The following SMOC2 variants were observed in gnomAD, a reference collection of about 807,000 sequenced individuals.
The protein encoded by SMOC2 is SPARC related modular calcium binding 2.
SMOC2 carries 39 observed loss-of-function variants against 61.4 expected under a neutral mutation model. The ratio of observed to expected loss-of-function variants is 0.64; its 90% CI spans 0.49 to 0.83. SMOC2 has a LOEUF of 0.83. Ranked by LOEUF, SMOC2 falls within the 40% of genes least tolerant of loss-of-function variation. The pLI is 0.00. For missense variants in SMOC2, 556 were observed against 592.9 expected, an observed-to-expected ratio of 0.94 and a Z score of 0.65; for synonymous variants, 247 against 239.9, an observed-to-expected ratio of 1.03 and a Z score of -0.27.
chr6:168,543,759 C>A, intron 5 of SMOC2, 87 bp downstream of exon 5: 1 of 1,258,276 alleles, frequency 7.9e-7, no homozygotes, highest in South Asian at 1.3e-5. Flanking sequence ...GTTGAAACAT[C>A]CACTAGTGAT....
intron 1 of SMOC2, among the ~76,000 whole-genome samples, chr6:168,444,005 A>G (rs1781275927): frequency 1.3e-5 from 2 of 152,196 alleles, no homozygotes; most frequent in Non-Finnish European, 2.9e-5. Flanking sequence ...CATTGTTTTG[A>G]TGGTGCCCAT....
rs1372126992 is a variant in SMOC2, at chr6:168,667,834, A to C, written c.*1396A>C. 1.3e-5 allele frequency: 2 copies of C among 152,246 alleles called. No homozygotes were observed. The allele number at this position is 152,246 out of a possible 1,614,324, so 9.4% of individuals were successfully genotyped here. On this transcript the variant is annotated 3_prime_UTR_variant, in exon 13 of 13. Coordinates refer to ENST00000356284, the MANE Select transcript of SMOC2 (RefSeq NM_001166412.2). Reference sequence around the variant, plus strand: ...CTTGCTTATTTAAACTGTGCAAGGTAAAAATCAAGCCTTTGGAGCCACAGA... The same window carrying C: ...CTTGCTTATTTAAACTGTGCAAGGTCAAAATCAAGCCTTTGGAGCCACAGA...
chr6:168,444,861 T>G (rs1227928197), intron 1 of SMOC2, among the ~76,000 whole-genome samples: 1 of 152,186 alleles, frequency 6.6e-6, no homozygotes, highest in Non-Finnish European at 1.5e-5. Context: ...GGTGATTTCT[T>G]TAAAGGCAGA....
chr6:168,505,159 CA>C (rs1430842116), intron 1 of SMOC2, among the ~76,000 whole-genome samples: 23 of 146,260 alleles, frequency 1.6e-4, no homozygotes, highest in African/African-American at 5.5e-4. Context: ...TCTCAGATGC[CA>C]GATGAATGAG....
intron 7 of SMOC2, among the ~76,000 whole-genome samples, chr6:168,589,816 G>A (rs1333506807): frequency 2.4e-5 from 1 of 41,874 alleles, no homozygotes; most frequent in African/African-American, 1.0e-4. Context: ...GGGAGCAGCC[G>A]GTCTGGTGGT....
intron 8 of SMOC2, among the ~76,000 whole-genome samples, chr6:168,599,672 CCCTA>C (rs1402983472): frequency 2.1e-4 from 24 of 116,906 alleles, no homozygotes; most frequent in African/African-American, 7.4e-4. Context: ...TCACACACTC[CCCTA>C]CACACTCTCA....
intron 1 of SMOC2, among the ~76,000 whole-genome samples, chr6:168,443,464 T>A (rs1192668813): frequency 6.6e-6 from 1 of 152,162 alleles, no homozygotes; most frequent in African/African-American, 2.4e-5. Context: ...TTGGCTGCAT[T>A]CCCCAAGAAC....
chr6:168,460,576 A>T (rs144088120), intron 1 of SMOC2, among the ~76,000 whole-genome samples: 100 of 152,278 alleles, frequency 6.6e-4, no homozygotes, highest in African/African-American at 2.3e-3. Context: ...CCTGAATTTT[A>T]TAATAGGGCA....
In SMOC2 at chr6:168,600,766, C is replaced by A. The variant is rs565960407; in HGVS notation, c.824+1762C>A. 4.5e-3 allele frequency among the ~76,000 whole-genome samples: 691 copies of A among 152,306 alleles called. 4 individuals carry two copies. Among genetic ancestry groups the A allele is most frequent in the African/African-American group, 0.016 (661 of 41,558 alleles). ...TCACATATGTGTGCCCCAAATTTAT[C>A]GCTTTTAGAAAAAGTGAGGCTGTGC... is the stretch of plus-strand genomic sequence containing the variant. On this transcript the variant is annotated intron_variant, in intron 8 of 12. Coordinates refer to ENST00000356284, the MANE Select transcript of SMOC2 (RefSeq NM_001166412.2).
At chr6:168,560,269 T>C (rs377318038) in intron 7 of SMOC2, among the ~76,000 whole-genome samples, 1 of 152,184 alleles carries the variant, frequency 6.6e-6, no homozygotes, top group South Asian at 2.1e-4. Flanking sequence ...CCAGAATACG[T>C]CACGTCAGGC....
chr6:168,659,401 A>G (rs1018658354), intron 11 of SMOC2, among the ~76,000 whole-genome samples: 4 of 139,824 alleles, frequency 2.9e-5, no homozygotes, highest in African/African-American at 1.1e-4. Flanking sequence ...AGGCTTGCCT[A>G]TAAATGAGGT....
chr6:168,531,097 C>T (rs1783590415), intron 4 of SMOC2, among the ~76,000 whole-genome samples: 1 of 152,142 alleles, frequency 6.6e-6, no homozygotes, highest in African/African-American at 2.4e-5. Context: ...AGTCAGAAAA[C>T]TCAGCTCCAG....
rs183355731 is a variant in SMOC2 at position 168,641,717 on chromosome 6, C to T, written c.908-8964C>T. 2.6e-4 allele frequency among the ~76,000 whole-genome samples: 39 copies of T among 152,284 alleles called. 1 individual carries two copies. The highest frequency in any genetic ancestry group is 8.4e-4 in the African/African-American group (35 of 41,554). ...GTTTAATGGATGAGCCGAGGCAGGG[C>T]CAAGAGCAGGCACCTTCACCCAAAG... On this transcript the variant is annotated intron_variant, in intron 9 of 12. Transcript: ENST00000356284.
At chr6:168,533,137 G>T (rs1205132670) in intron 4 of SMOC2, among the ~76,000 whole-genome samples, 2 of 152,090 alleles carry the variant, frequency 1.3e-5, no homozygotes, top group Non-Finnish European at 2.9e-5. Flanking sequence ...CCTCTCTGCG[G>T]TCTGAATTTC....
At chr6:168,566,664 G>T (rs867996213) in intron 7 of SMOC2, among the ~76,000 whole-genome samples, 29 of 151,866 alleles carry the variant, frequency 1.9e-4, no homozygotes, top group Middle Eastern at 3.2e-3. Flanking sequence ...TGTATTTTTA[G>T]TAGCATTTAG....
intron 8 of SMOC2, among the ~76,000 whole-genome samples, chr6:168,604,173 A>T (rs1785627642): frequency 6.6e-6 from 1 of 152,172 alleles, no homozygotes; most frequent in Non-Finnish European, 1.5e-5. Context: ...ACAGATCCGG[A>T]CATCTCATCC....
chr6:168,611,116 TC>T lies in SMOC2; in HGVS notation c.907+2879del, dbSNP rs555245848. Among the ~76,000 whole-genome samples, 200 of 152,324 alleles carry T rather than the reference TC, an allele frequency of 1.3e-3. 1 individual carries two copies. The highest frequency in any genetic ancestry group is 6.8e-3 in the Middle Eastern group (2 of 294). On this transcript the variant is annotated intron_variant, in intron 9 of 12. Transcript: ENST00000356284. ...CCCAGCCCCCTGACATCCTCCCAGG[TC>T]CTCATGTGAGGCTGGAGAACCAGGC... is the stretch of plus-strand genomic sequence containing the variant.
chr6:168,510,260 T>C (rs1052174947), intron 2 of SMOC2, among the ~76,000 whole-genome samples, 174 bp downstream of exon 2: 3 of 152,218 alleles, frequency 2.0e-5, no homozygotes, highest in Admixed American at 1.3e-4. Flanking sequence ...AAGAGCAGTC[T>C]TTTTTTACTT....
At chr6:168,641,631 G>A (rs1786892382) in intron 9 of SMOC2, among the ~76,000 whole-genome samples, 1 of 152,192 alleles carries the variant, frequency 6.6e-6, no homozygotes, top group Non-Finnish European at 1.5e-5. Context: ...TAAAGTCAAA[G>A]GCAAAGAATT....
Sources: gnomAD v4.1 joint callset for allele counts (sites outside exome capture counted in the v4.1 genomes callset) on GRCh38, gnomAD v4.1.1 for gene constraint, MANE v1.5 for transcripts, NCBI Gene and HGNC (gene_info 2026-07-23, HGNC 2026-07-21) for gene names.